Variants in ANK3 observed in about 807,000 individuals in gnomAD.
ANK3 encodes ankyrin 3, also known as ankyrin-3.
A neutral mutation model predicts 370.9 loss-of-function variants in ANK3; 57 were observed. That is an observed-to-expected ratio of 0.15 (90% CI 0.12 to 0.19). ANK3 has a LOEUF of 0.19. ANK3 is among the 10% of genes least tolerant of loss of function. The probability of loss-of-function intolerance (pLI) is 1.00; values close to 1 mark genes in which losing one functional copy is unlikely to be tolerated. For missense variants in ANK3, 4,439 were observed against 5,302.1 expected, an observed-to-expected ratio of 0.84 and a Z score of 5.06; for synonymous variants, 1,929 against 1,946.3, an observed-to-expected ratio of 0.99 and a Z score of 0.23.
At chr10:60,476,063 T>C (rs2075056242) in intron 2 of ANK3, among the ~76,000 whole-genome samples, 1 of 152,208 alleles carries the variant, frequency 6.6e-6, no homozygotes, top group Non-Finnish European at 1.5e-5. Flanking sequence ...GTTTTAATAA[T>C]ATTTTGTCTT....
rs747702473 is a variant in ANK3, at chr10:60,086,742, T to A, written c.3683A>T (p.Glu1228Val). 4 of 1,614,000 alleles carry A rather than the reference T, an allele frequency of 2.5e-6. No individual in the cohort carries two copies. The East Asian group carries it at 8.9e-5, about 36-fold the overall frequency. The part of the protein sequence containing the change: ...MTIPVPPPSG[E>V]GVSNGYKGDT... ...CCCTTTGTATCCATTGGATACACCT[T>A]CTCCTGAGGGCGGGGGCACCGGAAT... Residue 1228 changes from glutamate (E) to valine (V), a missense_variant, in exon 30 of 44, where the codon GAA becomes GTA. This residue lies in a region of ANK3 where 702 missense variants were observed against 941.5 expected (regional missense o/e 0.75). Transcript: ENST00000280772.
chr10:60,733,284 G>T, exon 1 of ANK3: 1 of 1,237,960 alleles, frequency 8.1e-7, no homozygotes, highest in Non-Finnish European at 1.0e-6. Context: ...CGGAGTCCTC[G>T]GTGCCCGCGG....
chr10:60,656,524 A>C (rs1016890682), intron 1 of ANK3, among the ~76,000 whole-genome samples: 1 of 151,956 alleles, frequency 6.6e-6, no homozygotes, highest in African/African-American at 2.4e-5. Context: ...TAGTGTAATA[A>C]TTATTTCCTT....
chr10:60,042,476 T>C, intron 43 of ANK3, among the ~76,000 whole-genome samples, 196 bp downstream of exon 43: 1 of 152,252 alleles, frequency 6.6e-6, no homozygotes, highest in East Asian at 1.9e-4. Flanking sequence ...GTTAATGGAC[T>C]GTGAAACCGA....
intron 25 of ANK3, among the ~76,000 whole-genome samples, chr10:60,128,972 G>C (rs2093923688): frequency 6.6e-6 from 1 of 152,154 alleles, no homozygotes; most frequent in Admixed American, 6.6e-5. Context: ...AATTACATCA[G>C]AAGAAATGAA....
chr10:60,345,161 G>A (rs1295276349), intron 1 of ANK3, among the ~76,000 whole-genome samples: 1 of 152,098 alleles, frequency 6.6e-6, no homozygotes, highest in African/African-American at 2.4e-5. Context: ...TAGATTCATG[G>A]TGCTATTTGT....
chr10:60,105,784 G>C (rs1299749277), intron 28 of ANK3, 121 bp downstream of exon 28: 2 of 1,043,852 alleles, frequency 1.9e-6, no homozygotes, highest in African/African-American at 3.3e-5. Flanking sequence ...AAAAGCTGAA[G>C]AACTTGGGTC....
chr10:60,424,295 C>T (rs575482646), intron 2 of ANK3, among the ~76,000 whole-genome samples: 24 of 152,014 alleles, frequency 1.6e-4, no homozygotes, highest in African/African-American at 3.4e-4. Context: ...TACTGAGAGT[C>T]TATGAGAGAC....
intron 1 of ANK3, among the ~76,000 whole-genome samples, chr10:60,385,007 C>CCTG (rs1207317332): frequency 3.3e-5 from 5 of 152,250 alleles, no homozygotes; most frequent in Non-Finnish European, 5.9e-5. Context: ...GACTGCTCTC[C>CCTG]CTGCTGCTGC....
intron 1 of ANK3, among the ~76,000 whole-genome samples, chr10:60,376,289 T>C (rs2060761441): frequency 6.6e-6 from 1 of 152,192 alleles, no homozygotes; most frequent in South Asian, 2.1e-4. Flanking sequence ...AATAATTTAG[T>C]TTCCACTAAA....
intron 23 of ANK3, among the ~76,000 whole-genome samples, chr10:60,141,561 GTTT>G (rs36033791): frequency 0.012 from 564 of 48,866 alleles, 1 homozygote; most frequent in African/African-American, 0.05. Flanking sequence ...TTCAATTGCT[GTTT>G]TTTTTTTTTT....
At chr10:60,410,398 C>T (rs1014180968) in intron 2 of ANK3, among the ~76,000 whole-genome samples, 1 of 152,072 alleles carries the variant, frequency 6.6e-6, no homozygotes, top group African/African-American at 2.4e-5. Context: ...TTTTTCTTTG[C>T]TAATGTGTTC....
rs532582572 is a variant in ANK3 at position 60,363,554 on chromosome 10, G to A, written c.114+25871C>T. ...CAACTATCTGAGGTTCTCAACACAC[G>A]ACCCTTTCTAGGTTGGGGCGCGTGG... On this transcript the variant is annotated intron_variant, in intron 1 of 43. Coordinates refer to ENST00000280772, the MANE Select transcript of ANK3 (RefSeq NM_020987.5). Among the ~76,000 whole-genome samples the A allele has an allele frequency of 1.7e-4, 26 of 152,302 alleles. No individual in the cohort carries two copies. In the South Asian group the frequency reaches 5.2e-3, roughly 30 times the overall value.
intron 2 of ANK3, among the ~76,000 whole-genome samples, chr10:60,463,872 A>G (rs779932638): frequency 6.6e-6 from 1 of 152,042 alleles, no homozygotes; most frequent in Non-Finnish European, 1.5e-5. Context: ...AGCTTTTTGT[A>G]TATCATGCTC....
intron 1 of ANK3, among the ~76,000 whole-genome samples, chr10:60,698,386 G>T (rs2079494344): frequency 6.6e-6 from 1 of 151,702 alleles, no homozygotes; most frequent in Non-Finnish European, 1.5e-5. Context: ...ATTTGACCCA[G>T]CCATCCCATT....
intron 17 of ANK3, among the ~76,000 whole-genome samples, chr10:60,182,672 C>G (rs1212710654): frequency 6.6e-6 from 1 of 152,096 alleles, no homozygotes; most frequent in African/African-American, 2.4e-5. Context: ...AGCACAGAGT[C>G]TTCTAGATGT....
intron 1 of ANK3, among the ~76,000 whole-genome samples, chr10:60,324,670 T>G (rs1244042356): frequency 2.0e-5 from 3 of 152,138 alleles, no homozygotes; most frequent in African/African-American, 7.2e-5. Context: ...TTTTTTTTCT[T>G]TTTTTGGAGC....
chr10:60,207,991 G>A (rs1473642433), intron 10 of ANK3, 45 bp downstream of exon 10: 5 of 1,544,006 alleles, frequency 3.2e-6, no homozygotes, highest in Non-Finnish European at 4.5e-6. Context: ...GCAGCACGTT[G>A]TGAGCAAGAC....
chr10:60,683,181 A>ACGGTTTGACAAAG (rs1210360665), intron 1 of ANK3, among the ~76,000 whole-genome samples: 3 of 152,196 alleles, frequency 2.0e-5, no homozygotes, highest in Non-Finnish European at 4.4e-5. Flanking sequence ...GAGAAAACTC[A>ACGGTTTGACAAAG]CGGTTTGACA....
Sources: allele counts gnomAD v4.1 joint callset (sites outside exome capture counted in the v4.1 genomes callset), GRCh38; gene constraint gnomAD v4.1.1; regional missense constraint gnomAD v4.1.1; transcripts MANE v1.5; gene names NCBI Gene and HGNC (gene_info 2026-07-23, HGNC 2026-07-21).